The following ZNF765 variants were observed in gnomAD, a reference collection of about 807,000 sequenced individuals.
The protein encoded by ZNF765 is zinc finger protein 765.
ZNF765 carries 37 observed loss-of-function variants against 44.7 expected under a neutral mutation model. That is an observed-to-expected ratio of 0.83 (90% CI 0.64 to 1.09). ZNF765 has a LOEUF of 1.09. ZNF765 is among the 50% of genes least tolerant of loss of function. The pLI is 0.00. For synonymous variants in ZNF765, 201 were observed against 213.7 expected, an observed-to-expected ratio of 0.94 and a Z score of 0.52; for missense variants, 594 against 626.1, an observed-to-expected ratio of 0.95 and a Z score of 0.55.
chr19:53,400,578 C>T (rs966467696), intron 2 of ZNF765, among the ~76,000 whole-genome samples: 2 of 151,884 alleles, frequency 1.3e-5, no homozygotes, highest in Admixed American at 6.6e-5. Flanking sequence ...TTTTTAAAGC[C>T]TTTATATGTA....
At chr19:53,403,306 C>A (rs536333954) in intron 3 of ZNF765, among the ~76,000 whole-genome samples, 1 of 152,014 alleles carries the variant, frequency 6.6e-6, no homozygotes, top group East Asian at 1.9e-4. Context: ...TGAAGTATTA[C>A]TGATGGAGAA....
downstream of ZNF765, among the ~76,000 whole-genome samples, chr19:53,415,285 AAAG>A (rs549014037): frequency 7.4e-4 from 112 of 152,052 alleles, no homozygotes; most frequent in African/African-American, 2.5e-3. Flanking sequence ...AAAAAAAAGA[AAAG>A]AAAAAGAAAA....
At position 53,409,418 on chromosome 19, in the gene ZNF765, G is replaced by T; in HGVS notation, c.*291G>T. On this transcript the variant is annotated 3_prime_UTR_variant, in exon 4 of 4. Coordinates refer to ENST00000396408, the MANE Select transcript of ZNF765 (RefSeq NM_001040185.3). ...TTCTGTTTCAAATCCAACCTTGAAA[G>T]ACATAGGAGAATTCACACTGGTGAG... The T allele has an allele frequency of 1.2e-6, 1 of 838,386 alleles. No individual in the cohort carries two copies. Among genetic ancestry groups the T allele is most frequent in the East Asian group, 2.5e-5 (1 of 40,022 alleles). The allele number at this position is 838,386 out of a possible 1,614,324, so 51.9% of individuals were successfully genotyped here.
downstream of ZNF765, chr19:53,413,116 G>GAA (rs71304183): frequency 0.046 from 15,373 of 332,184 alleles, no homozygotes; most frequent in South Asian, 0.063. Flanking sequence ...GTCTCAAAAA[G>GAA]AAAAAAAAAA....
intron 2 of ZNF765, 72 bp downstream of exon 2, chr19:53,398,102 T>G: frequency 1.2e-6 from 2 of 1,612,146 alleles, no homozygotes; most frequent in South Asian, 2.2e-5. Context: ...GTTTGGAATC[T>G]TCTCTGAGTC....
Position 53,410,289 on chromosome 19 carries a change from C to T in ZNF765, c.*1162C>T, listed in dbSNP as rs760544276. 7.0e-5 allele frequency: 25 copies of T among 357,072 alleles called. No homozygotes were observed. Among genetic ancestry groups the T allele is most frequent in the Non-Finnish European group, 1.2e-4 (22 of 176,308 alleles). The allele number at this position is 357,072 out of a possible 1,614,324, so 22.1% of individuals were successfully genotyped here. A position where few individuals can be genotyped will look rare whatever the true frequency, so the allele number is the denominator to read the frequency against. ...AAGCATGTGACAAAGTTTACAGTCG[C>T]AAATCAAGCCTCCAAAGACAGGAGA... is the stretch of plus-strand genomic sequence containing the variant. On this transcript the variant is annotated 3_prime_UTR_variant, in exon 4 of 4. Transcript: ENST00000396408.
intron 1 of ZNF765, 55 bp from the exon 2 acceptor site, chr19:53,397,888 A>C: frequency 6.9e-7 from 1 of 1,450,746 alleles, no homozygotes; most frequent in African/African-American, 1.4e-5. Context: ...TTGTTGTGTT[A>C]CAGGGAGGGG....
chr19:53,426,434 G>A (rs1975935), exon 4 of ZNF765: 2 of 151,028 alleles, frequency 1.3e-5, no homozygotes, highest in East Asian at 3.9e-4. Context: ...GCATCATGGG[G>A]CTGCGTGATG....
Position 53,409,155 on chromosome 19 carries a change from G to A in ZNF765, c.*28G>A. Reference sequence around the variant, plus strand: ...AGTGTGGTAAGACCTTCAATCAGGAGTTAACCCTTACATGCCATCGTAGGC... The same window carrying A: ...AGTGTGGTAAGACCTTCAATCAGGAATTAACCCTTACATGCCATCGTAGGC... On this transcript the variant is annotated 3_prime_UTR_variant, in exon 4 of 4. Transcript: ENST00000396408. 3 of 1,575,536 alleles carry A rather than the reference G, an allele frequency of 1.9e-6. No homozygotes were observed. The highest frequency in any genetic ancestry group is 1.7e-6 in the Non-Finnish European group (2 of 1,145,838).
downstream of ZNF765, among the ~76,000 whole-genome samples, chr19:53,414,076 A>T (rs2085854108): frequency 6.6e-6 from 1 of 151,606 alleles, no homozygotes; most frequent in Non-Finnish European, 1.5e-5. Flanking sequence ...TCCCGTCTCT[A>T]CTAAAAACAC....
chr19:53,414,240 C>A (rs1221228825), downstream of ZNF765, among the ~76,000 whole-genome samples: 67 of 77,950 alleles, frequency 8.6e-4, no homozygotes, highest in South Asian at 2.0e-3. Flanking sequence ...GACTCCATCT[C>A]AAAAAAAAAA....
At position 53,409,677 on chromosome 19, in the gene ZNF765, C is replaced by T. The variant is rs2085815106; in HGVS notation, c.*550C>T. 8.9e-7 allele frequency: 1 copy of T among 1,123,624 alleles called. No individual in the cohort carries two copies. The highest frequency in any genetic ancestry group is 2.4e-5 in the East Asian group (1 of 41,426). 69.6% of individuals were successfully genotyped at this position (1,123,624 alleles called of 1,614,324 possible). A position where few individuals can be genotyped will look rare whatever the true frequency, so the allele number is the denominator to read the frequency against. On this transcript the variant is annotated 3_prime_UTR_variant, in exon 4 of 4. Transcript: ENST00000396408. ...CTCATACCTTACACGCCATCGTAGACTTCATACTGGAGGATACCTTACAAA... is the reference window on the plus strand; with the variant it reads ...CTCATACCTTACACGCCATCGTAGATTTCATACTGGAGGATACCTTACAAA...
chr19:53,405,985 T>C (rs2085771907), intron 3 of ZNF765, among the ~76,000 whole-genome samples: 1 of 121,516 alleles, frequency 8.2e-6, no homozygotes, highest in East Asian at 2.3e-4. Context: ...TTCATAAATG[T>C]AGTTGTGACA....
At chr19:53,412,963 A>T (rs1384022075), downstream of ZNF765, among the ~76,000 whole-genome samples, 3 of 152,198 alleles carry the variant, frequency 2.0e-5, no homozygotes, top group Non-Finnish European at 4.4e-5. Context: ...TACAAAAATT[A>T]ACTGGGTATG....
intron 3 of ZNF765, among the ~76,000 whole-genome samples, chr19:53,405,943 A>ATATATT: frequency 9.6e-6 from 1 of 103,900 alleles, no homozygotes. Context: ...ATATATATAT[A>ATATATT]TATATATAAA....
Position 53,409,967 on chromosome 19 carries a change from C to T in ZNF765, c.*840C>T, listed in dbSNP as rs1395172916. On this transcript the variant is annotated 3_prime_UTR_variant, in exon 4 of 4. Transcript: ENST00000396408. Reference sequence around the variant, plus strand: ...GAGTAATGCTACAACTATTGCAAATCATTGGAGAATCCATAATGAAGAGAG... The same window carrying T: ...GAGTAATGCTACAACTATTGCAAATTATTGGAGAATCCATAATGAAGAGAG... 4 of 560,064 alleles carry T rather than the reference C, an allele frequency of 7.1e-6. No individual in the cohort carries two copies. Among genetic ancestry groups the T allele is most frequent in the East Asian group, 9.4e-5 (2 of 21,272 alleles). The allele number at this position is 560,064 out of a possible 1,614,324, so 34.7% of individuals were successfully genotyped here. A position where few individuals can be genotyped will look rare whatever the true frequency, so the allele number is the denominator to read the frequency against.
chr19:53,406,117 C>T (rs113547220), intron 3 of ZNF765, among the ~76,000 whole-genome samples: 1 of 149,980 alleles, frequency 6.7e-6, no homozygotes, highest in Non-Finnish European at 1.5e-5. Flanking sequence ...CAACCTCCAC[C>T]TCCTGGGTTC....
At chr19:53,405,347 G>A (rs1438504400) in intron 3 of ZNF765, among the ~76,000 whole-genome samples, 1 of 152,066 alleles carries the variant, frequency 6.6e-6, no homozygotes, top group Non-Finnish European at 1.5e-5. Flanking sequence ...GTAAGACTCC[G>A]GGCTGAGGTG....
chr19:53,405,770 C>T (rs918772670), intron 3 of ZNF765, among the ~76,000 whole-genome samples: 13 of 151,402 alleles, frequency 8.6e-5, no homozygotes, highest in African/African-American at 2.7e-4. Flanking sequence ...AGGGAGGCTG[C>T]ATCATATTGT....
Sources: gnomAD v4.1 joint callset for allele counts (sites outside exome capture counted in the v4.1 genomes callset) on GRCh38, gnomAD v4.1.1 for gene constraint, MANE v1.5 for transcripts, NCBI Gene and HGNC (gene_info 2026-07-23, HGNC 2026-07-21) for gene names.